COL4A5: variants seen among roughly 807,000 people sequenced by gnomAD.
COL4A5 encodes the protein collagen alpha-5(IV) chain.
A neutral mutation model predicts 130.2 loss-of-function variants in COL4A5; 26 were observed. That is an observed-to-expected ratio of 0.20 (90% confidence interval 0.15 to 0.28). The LOEUF is 0.28. COL4A5 is among the 10% of genes least tolerant of loss of function. The probability of loss-of-function intolerance (pLI) is 1.00; values close to 1 mark genes in which losing one functional copy is unlikely to be tolerated. For synonymous variants in COL4A5, 496 were observed against 439.6 expected (o/e 1.13, Z -1.60); for missense variants, 1,131 against 1,344.3 (o/e 0.84, Z 2.48).
intron 29 of COL4A5, among the ~76,000 whole-genome samples, chrX:108,611,358 A>G (rs898305769): frequency 1.8e-5 from 2 of 111,225 alleles, no homozygotes; most frequent in Non-Finnish European, 1.9e-5. Context: ...GAGGTTTTAT[A>G]TAGATGGTGA....
chrX:108,623,638 A>G (rs2067098313), intron 33 of COL4A5, among the ~76,000 whole-genome samples: 1 of 111,731 alleles, frequency 9.0e-6, no homozygotes, highest in Admixed American at 9.5e-5. Flanking sequence ...TGTACGTTCT[A>G]TCCATCAATA....
intron 1 of COL4A5, among the ~76,000 whole-genome samples, chrX:108,476,551 A>G (rs1263282682): frequency 1.1e-5 from 1 of 95,059 alleles, no homozygotes; most frequent in Admixed American, 1.2e-4. Context: ...TTTACCTATT[A>G]ACCATCCCCA....
intron 1 of COL4A5, among the ~76,000 whole-genome samples, chrX:108,444,167 T>G (rs953603643): frequency 7.2e-5 from 8 of 110,913 alleles, no homozygotes; most frequent in African/African-American, 1.3e-4. Flanking sequence ...CTCCATCATT[T>G]TTTAAGCACC....
intron 1 of COL4A5, among the ~76,000 whole-genome samples, chrX:108,472,678 T>C (rs990632147): frequency 2.7e-5 from 3 of 112,024 alleles, no homozygotes; most frequent in Admixed American, 9.5e-5. Context: ...GGGATATCTT[T>C]TTTTCTTTCT....
chrX:108,447,074 A>G (rs1222063376), intron 1 of COL4A5, among the ~76,000 whole-genome samples: 1 of 110,816 alleles, frequency 9.0e-6, no homozygotes, highest in Admixed American at 9.7e-5. Context: ...TCCCTCCCCC[A>G]GAAGAGTTTT....
At chrX:108,598,590 G>C (rs2066564397) in intron 24 of COL4A5, 112 bp from the exon 25 acceptor site, 1 of 699,569 alleles carries the variant, frequency 1.4e-6, no homozygotes, top group Admixed American at 2.3e-5. Flanking sequence ...CACTTATATA[G>C]CTTTTAAGAA....
At chrX:108,654,593 G>A (rs1335979174) in intron 36 of COL4A5, among the ~76,000 whole-genome samples, 1 of 112,362 alleles carries the variant, frequency 8.9e-6, no homozygotes, top group African/African-American at 3.2e-5. Context: ...CTACAGGCAT[G>A]CACCACTACG....
chrX:108,626,217 G>A lies in COL4A5; in HGVS notation c.3114G>A (p.Gln1038=), dbSNP rs2067151262. ...TIGDMGFPGP[Q]GVEGPPGPSG... is the part of the protein sequence containing the mutation. ...ATCACATATTTTCAACAGGGCCTCA[G>A]GGTGTGGAAGGGCCTCCTGGACCTT... is the stretch of plus-strand genomic sequence containing the variant. Residue 1038 remains glutamine, a synonymous_variant, in exon 36 of 53, where the codon CAG becomes CAA. Transcript: ENST00000328300. 5.0e-6 allele frequency: 6 copies of A among 1,206,883 alleles called. No individual in the cohort carries two copies. The Admixed American group carries it at 8.8e-5, about 18-fold the overall frequency.
At chrX:108,633,375 C>T (rs976207412) in intron 36 of COL4A5, among the ~76,000 whole-genome samples, 3 of 111,067 alleles carry the variant, frequency 2.7e-5, no homozygotes, top group Non-Finnish European at 5.7e-5. Flanking sequence ...TTTAATGCAC[C>T]TGAGTATTTC....
intron 24 of COL4A5, among the ~76,000 whole-genome samples, chrX:108,598,157 C>T: frequency 9.0e-6 from 1 of 110,884 alleles, no homozygotes; most frequent in Non-Finnish European, 1.9e-5. Context: ...CACCACTGCA[C>T]TCCACCCTGG....
At chrX:108,691,530 GA>G (rs2147996621) in intron 49 of COL4A5, among the ~76,000 whole-genome samples, 1 of 110,535 alleles carries the variant, frequency 9.0e-6, no homozygotes, top group African/African-American at 3.3e-5. Context: ...TATCAGTTGT[GA>G]ATTAATAATA....
intron 36 of COL4A5, among the ~76,000 whole-genome samples, chrX:108,634,748 T>C (rs1036358650): frequency 1.8e-5 from 2 of 111,688 alleles, no homozygotes; most frequent in Non-Finnish European, 3.8e-5. Flanking sequence ...GTATCTGACA[T>C]TAAAACATAT....
chrX:108,564,011 G>T (rs1251603597), intron 4 of COL4A5, 85 bp downstream of exon 4: 1 of 881,521 alleles, frequency 1.1e-6, no homozygotes, highest in African/African-American at 2.0e-5. Context: ...AATTGGAAAA[G>T]ACCCATATTA....
At chrX:108,608,759 A>G (rs1354656806) in intron 29 of COL4A5, among the ~76,000 whole-genome samples, 1 of 111,699 alleles carries the variant, frequency 9.0e-6, no homozygotes, top group African/African-American at 3.3e-5. Flanking sequence ...ATCTTTATCA[A>G]GATATTGTTT....
At position 108,633,133 on chromosome X, in the gene COL4A5, C is replaced by G. The variant is rs183322229; in HGVS notation, c.3246+6784C>G. 4.1e-4 allele frequency among the ~76,000 whole-genome samples: 46 copies of G among 111,474 alleles called. No homozygotes were observed. In the Admixed American group the frequency reaches 4.4e-3, roughly 11 times the overall value. On this transcript the variant is annotated intron_variant, in intron 36 of 52. Transcript: ENST00000328300. ...AGCTGATAAGTAACTTCAGCAAAGT[C>G]TCAGGAGCATAGTTTTTTGATTGTC...
At chrX:108,491,054 A>G (rs2064989169) in intron 1 of COL4A5, among the ~76,000 whole-genome samples, 1 of 111,739 alleles carries the variant, frequency 8.9e-6, no homozygotes, top group Admixed American at 9.5e-5. Flanking sequence ...TCTGTCACGG[A>G]TGGGGATTTA....
intron 36 of COL4A5, among the ~76,000 whole-genome samples, chrX:108,649,102 C>G (rs1267988214): frequency 9.0e-6 from 1 of 110,838 alleles, no homozygotes; most frequent in East Asian, 2.8e-4. Flanking sequence ...CAACAGTGAC[C>G]AAGCAGAGAA....
chrX:108,536,252 ATAG>A (rs906219526), intron 1 of COL4A5, among the ~76,000 whole-genome samples: 2 of 105,211 alleles, frequency 1.9e-5, no homozygotes, highest in Non-Finnish European at 3.8e-5. Context: ...CTTTTATCAT[ATAG>A]TAGTTGTGTG....
In COL4A5 at chrX:108,686,833, C is replaced by A. The variant is rs1048426105; in HGVS notation, c.4316-649C>A. Among the ~76,000 whole-genome samples the A allele has an allele frequency of 2.4e-4, 27 of 111,981 alleles. No homozygotes were observed. The Admixed American group carries it at 2.5e-3, about 10-fold the overall frequency. On this transcript the variant is annotated intron_variant, in intron 48 of 52. Coordinates refer to ENST00000328300, the MANE Select transcript of COL4A5 (RefSeq NM_033380.3). ...ATTTCAAATATCAGTGGCAACACAG[C>A]AGAGTGGTAATACCTATAGCCTTCC...
Sources: gnomAD v4.1 joint callset for allele counts (sites outside exome capture counted in the v4.1 genomes callset) on GRCh38, gnomAD v4.1.1 for gene constraint, MANE v1.5 for transcripts, NCBI Gene and HGNC (gene_info 2026-07-23, HGNC 2026-07-21) for gene names.